TEN1: variants seen among roughly 807,000 people sequenced by gnomAD.
The protein encoded by TEN1 is TEN1 subunit of CST complex.
In TEN1, 6 loss-of-function variants were observed where a neutral mutation model predicts 9.3. The observed-to-expected ratio is 0.65, with a 90% confidence interval of 0.35 to 1.27. TEN1 has a LOEUF of 1.27. Among genes scored for constraint, TEN1 ranks in the 50% most tolerant of loss-of-function variants. The probability of loss-of-function intolerance (pLI) is 0.03; values close to 1 mark genes in which losing one functional copy is unlikely to be tolerated. For missense variants in TEN1, 149 were observed against 158.2 expected (o/e 0.94, Z 0.31); for synonymous variants, 65 against 65.6 (o/e 0.99, Z 0.04).
chr17:75,989,334 G>A (rs889958764), intron 2 of TEN1, among the ~76,000 whole-genome samples: 6 of 146,938 alleles, frequency 4.1e-5, no homozygotes, highest in Non-Finnish European at 9.0e-5. Context: ...GGATGGTCTC[G>A]ATCTCCTGAC....
At chr17:75,997,968 CA>C (rs1199479176) in intron 3 of TEN1, among the ~76,000 whole-genome samples, 1 of 151,864 alleles carries the variant, frequency 6.6e-6, no homozygotes, top group East Asian at 1.9e-4. Flanking sequence ...GATTCTGCCT[CA>C]GCCTCCCTAG....
rs2066187242 is a variant in TEN1, at chr17:75,991,771, C to T, written c.250+148C>T. ...TCCAAATTAGCCCACAAGTTCAACACTCTTGAGGATTCAACTCAGAGTGGA... is the reference window on the plus strand; with the variant it reads ...TCCAAATTAGCCCACAAGTTCAACATTCTTGAGGATTCAACTCAGAGTGGA... On this transcript the variant is annotated intron_variant, in intron 3 of 3. Coordinates refer to ENST00000397640, the MANE Select transcript of TEN1 (RefSeq NM_001113324.3). The T allele has an allele frequency of 1.0e-5, 11 of 1,082,196 alleles. No homozygotes were observed. The Admixed American group carries it at 1.4e-4, about 14-fold the overall frequency. The allele number at this position is 1,082,196 out of a possible 1,614,324, so 67.0% of individuals were successfully genotyped here. A position where few individuals can be genotyped will look rare whatever the true frequency, so the allele number is the denominator to read the frequency against.
intron 1 of TEN1, among the ~76,000 whole-genome samples, chr17:75,985,320 AT>A (rs894920160): frequency 6.7e-6 from 1 of 150,312 alleles, no homozygotes; most frequent in South Asian, 2.1e-4. Context: ...CCATTTTTGT[AT>A]TTTTTTTGTG....
At chr17:75,979,666 T>C (rs2066100651) in intron 1 of TEN1, among the ~76,000 whole-genome samples, 155 bp downstream of exon 1, 1 of 152,056 alleles carries the variant, frequency 6.6e-6, no homozygotes, top group African/African-American at 2.4e-5. Context: ...CTCTGGAGTC[T>C]GGGGCGGGAG....
chr17:75,982,766 A>T (rs1188424411), intron 1 of TEN1, among the ~76,000 whole-genome samples: 7 of 151,620 alleles, frequency 4.6e-5, no homozygotes, highest in Admixed American at 1.3e-4. Flanking sequence ...GCTGGAGTGC[A>T]GTGGCATGAT....
chr17:75,980,119 T>G (rs1386391986), intron 1 of TEN1, among the ~76,000 whole-genome samples: 2 of 152,044 alleles, frequency 1.3e-5, no homozygotes, highest in East Asian at 1.9e-4. Context: ...GGCGTATCAC[T>G]TGAGCCCAGG....
chr17:75,981,582 C>T (rs915546230), intron 1 of TEN1, among the ~76,000 whole-genome samples: 3 of 151,302 alleles, frequency 2.0e-5, no homozygotes, highest in Admixed American at 2.0e-4. Context: ...CAGAAGCAAC[C>T]CACAAAGCAA....
intron 3 of TEN1, among the ~76,000 whole-genome samples, chr17:75,994,765 C>T (rs1228656197): frequency 1.3e-5 from 2 of 152,124 alleles, no homozygotes; most frequent in Admixed American, 6.5e-5. Flanking sequence ...CGTGAGCCAC[C>T]GCGCCCGGCC....
intron 2 of TEN1, among the ~76,000 whole-genome samples, chr17:75,987,743 C>T (rs1182597578): frequency 2.0e-5 from 3 of 151,312 alleles, no homozygotes; most frequent in Non-Finnish European, 4.4e-5. Flanking sequence ...ATGGCGAAAC[C>T]CTGTCTCTAC....
intron 1 of TEN1, chr17:75,984,772 C>T (rs1331496437): frequency 1.3e-5 from 2 of 152,286 alleles, no homozygotes; most frequent in Non-Finnish European, 2.9e-5. Flanking sequence ...GAACAGAGTT[C>T]AGTGGTACTG....
intron 2 of TEN1, 111 bp downstream of exon 2, chr17:75,986,395 T>G (rs2066152643): frequency 9.2e-7 from 1 of 1,087,574 alleles, no homozygotes; most frequent in Non-Finnish European, 1.3e-6. Flanking sequence ...TCTAATTATG[T>G]TAAAATACTA....
chr17:75,993,514 C>T (rs367851761), intron 3 of TEN1, among the ~76,000 whole-genome samples: 1 of 152,172 alleles, frequency 6.6e-6, no homozygotes, highest in South Asian at 2.1e-4. Flanking sequence ...CAACAGTCCT[C>T]GCTAGTGGCC....
chr17:75,996,841 C>T (rs568489208), intron 3 of TEN1, among the ~76,000 whole-genome samples: 1 of 152,230 alleles, frequency 6.6e-6, no homozygotes, highest in South Asian at 2.1e-4. Context: ...AGCATCCTTA[C>T]AGCTCTGGGA....
At chr17:75,986,658 G>T (rs1029791628) in intron 2 of TEN1, among the ~76,000 whole-genome samples, 2 of 151,780 alleles carry the variant, frequency 1.3e-5, no homozygotes, top group Non-Finnish European at 2.9e-5. Context: ...CCGAAATCGC[G>T]CCATTGCACT....
chr17:75,986,087 T>C, intron 1 of TEN1, 100 bp from the exon 2 acceptor site: 1 of 958,460 alleles, frequency 1.0e-6, no homozygotes, highest in East Asian at 2.9e-5. Flanking sequence ...GGAATTAGTC[T>C]TCAAGATGCT....
rs919774013 is a variant in TEN1 at position 75,988,579 on chromosome 17, A to G, written c.92+2295A>G. 1.1e-4 allele frequency among the ~76,000 whole-genome samples: 16 copies of G among 149,920 alleles called. 1 individual carries two copies. Among genetic ancestry groups the G allele is most frequent in the Non-Finnish European group, 2.1e-4 (14 of 67,712 alleles). On this transcript the variant is annotated intron_variant, in intron 2 of 3. Coordinates refer to ENST00000397640, the MANE Select transcript of TEN1 (RefSeq NM_001113324.3). ...CCTGCCTCAAAAAAAAAAAAAAAAA[A>G]AAAAAAAAGAAAAGAAGAAGAAAGC...
At chr17:75,986,333 G>C in intron 2 of TEN1, 49 bp downstream of exon 2, 2 of 1,409,942 alleles carry the variant, frequency 1.4e-6, no homozygotes, top group Non-Finnish European at 1.9e-6. Flanking sequence ...TATGTTAAAT[G>C]TCTTTCTCTA....
chr17:75,996,370 A>G (rs1289035617), intron 3 of TEN1, among the ~76,000 whole-genome samples: 2 of 152,134 alleles, frequency 1.3e-5, no homozygotes, highest in East Asian at 1.9e-4. Context: ...CTGTAATCCC[A>G]GCTATTCAGG....
chr17:75,990,370 A>C (rs888840826), intron 2 of TEN1, among the ~76,000 whole-genome samples: 1 of 152,080 alleles, frequency 6.6e-6, no homozygotes, highest in African/African-American at 2.4e-5. Flanking sequence ...TGGTAGGGGA[A>C]AACATCTTGA....
Sources: gnomAD v4.1 joint callset for allele counts (sites outside exome capture counted in the v4.1 genomes callset) on GRCh38, gnomAD v4.1.1 for gene constraint, MANE v1.5 for transcripts, NCBI Gene and HGNC (gene_info 2026-07-23, HGNC 2026-07-21) for gene names.